Variants in ADARB1 observed in about 807,000 individuals in gnomAD.
ADARB1 encodes double-stranded RNA-specific editase 1.
In ADARB1, 10 loss-of-function variants were observed where a neutral mutation model predicts 52.4. The observed-to-expected ratio is 0.19, with a 90% CI of 0.12 to 0.32. ADARB1 has a LOEUF of 0.32. Ranked by LOEUF, ADARB1 falls within the 10% of genes least tolerant of loss-of-function variation. The probability of loss-of-function intolerance (pLI) is 1.00; values close to 1 mark genes in which losing one functional copy is unlikely to be tolerated. For missense variants in ADARB1, 643 were observed against 922.3 expected (o/e 0.70, Z 3.92); for synonymous variants, 349 against 371.1 (o/e 0.94, Z 0.68).
chr21:45,145,492 T>C (rs1226389819), intron 2 of ADARB1: 1 of 152,310 alleles, frequency 6.6e-6, no homozygotes, highest in Non-Finnish European at 1.5e-5. Context: ...GGCAGTTAGA[T>C]AAGGGAGGTG....
At chr21:45,161,545 G>A (rs1158717185) in intron 2 of ADARB1, among the ~76,000 whole-genome samples, 1 of 152,244 alleles carries the variant, frequency 6.6e-6, no homozygotes, top group East Asian at 1.9e-4. Flanking sequence ...ATGAGAGGGA[G>A]GCCAACGCGG....
At chr21:45,107,745 C>A (rs2087322016) in intron 1 of ADARB1, among the ~76,000 whole-genome samples, 1 of 152,168 alleles carries the variant, frequency 6.6e-6, no homozygotes, top group South Asian at 2.1e-4. Flanking sequence ...CAATGTTAGA[C>A]ACAAACATGG....
At chr21:45,184,688 C>T (rs1285632168) in intron 7 of ADARB1, 23 of 412,620 alleles carry the variant, frequency 5.6e-5, no homozygotes, top group African/African-American at 1.0e-4. Context: ...TGGGCTCAAG[C>T]GATCCACCTG....
chr21:45,158,646 A>T (rs1250657281), intron 2 of ADARB1, among the ~76,000 whole-genome samples: 1 of 151,886 alleles, frequency 6.6e-6, no homozygotes, highest in East Asian at 1.9e-4. Context: ...TGTTTCCTCC[A>T]CCAAAGCACC....
chr21:45,085,490 T>C (rs1370119151), intron 1 of ADARB1, among the ~76,000 whole-genome samples: 3 of 152,226 alleles, frequency 2.0e-5, no homozygotes, highest in African/African-American at 7.2e-5. Context: ...CAGCAATGAT[T>C]GGACTCTTTA....
At chr21:45,113,321 G>A (rs1017245090) in intron 1 of ADARB1, among the ~76,000 whole-genome samples, 2 of 152,118 alleles carry the variant, frequency 1.3e-5, no homozygotes, top group Admixed American at 6.5e-5. Flanking sequence ...TACTCGGGAG[G>A]CTGAGGCAGG....
chr21:45,180,395 C>T lies in ADARB1; in HGVS notation c.1029C>T (p.Ser343=), dbSNP rs1431234985. 3 of 1,614,220 alleles carry T rather than the reference C, an allele frequency of 1.9e-6. No homozygotes were observed. Among genetic ancestry groups the T allele is most frequent in the African/African-American group, 2.7e-5 (2 of 75,054 alleles). The change falls in exon 5 of 11, where the codon TCC becomes TCT. Residue 343 remains serine (S), a synonymous_variant. Coordinates refer to ENST00000348831, the MANE Select transcript of ADARB1 (RefSeq NM_001112.4). ...TTGGTGACCTGACCGACAACTTCTC[C>T]TCCCCTCACGCTCGCAGAAAAGTGC... ...GKFGDLTDNF[S]SPHARRKVLA...
rs776495343 is a variant in ADARB1, at chr21:45,225,577, A to G, written c.*3380A>G. On this transcript the variant is annotated 3_prime_UTR_variant, in exon 11 of 11. Coordinates refer to ENST00000348831, the MANE Select transcript of ADARB1 (RefSeq NM_001112.4). ...CTGAGGAGGGGACGGCTCCGTCTTC[A>G]CATTGTGCACAGATCTGAGGATGGG... 7.5e-7 allele frequency: 1 copy of G among 1,334,442 alleles called. No homozygotes were observed. Among genetic ancestry groups the G allele is most frequent in the Non-Finnish European group, 9.7e-7 (1 of 1,030,470 alleles). The allele number at this position is 1,334,442 out of a possible 1,614,324, so 82.7% of individuals were successfully genotyped here. A position where few individuals can be genotyped will look rare whatever the true frequency, so the allele number is the denominator to read the frequency against.
chr21:45,215,782 A>G (rs2092851244), intron 9 of ADARB1, among the ~76,000 whole-genome samples: 1 of 152,056 alleles, frequency 6.6e-6, no homozygotes. Flanking sequence ...TTGTATTTAT[A>G]TTTGTCTGTA....
chr21:45,074,978 G>T (rs1307468154), intron 1 of ADARB1, among the ~76,000 whole-genome samples, 185 bp downstream of exon 1: 1 of 151,074 alleles, frequency 6.6e-6, no homozygotes, highest in African/African-American at 2.4e-5. Context: ...CACCCTCCTG[G>T]GTCGCCCGTC....
At chr21:45,156,383 T>TCATC (rs1211880004) in intron 2 of ADARB1, among the ~76,000 whole-genome samples, 4 of 112,536 alleles carry the variant, frequency 3.6e-5, no homozygotes, top group South Asian at 3.1e-4. Flanking sequence ...CCATCACCCA[T>TCATC]CATCCATCCA....
rs911987211 is a variant in ADARB1 at position 45,223,922 on chromosome 21, T to G, written c.*1725T>G. On this transcript the variant is annotated 3_prime_UTR_variant, in exon 11 of 11. Transcript: ENST00000348831. The stretch of plus-strand genomic sequence containing the variant: ...CTAGAACATCTGCCCCACAGCAGCC[T>G]CCTCCTCCACCGAAGAGGGTAGTTG... 9 of 985,358 alleles carry G rather than the reference T, an allele frequency of 9.1e-6. No homozygotes were observed. In the South Asian group the frequency reaches 1.4e-4, roughly 15 times the overall value. The allele number at this position is 985,358 out of a possible 1,614,324, so 61.0% of individuals were successfully genotyped here.
chr21:45,163,490 C>T (rs906181481), intron 2 of ADARB1, among the ~76,000 whole-genome samples: 4 of 152,072 alleles, frequency 2.6e-5, no homozygotes, highest in African/African-American at 4.8e-5. Context: ...GGGGAGTGAG[C>T]GGGGAGGGGC....
chr21:45,216,161 C>T (rs903433678), intron 9 of ADARB1, among the ~76,000 whole-genome samples: 1 of 151,938 alleles, frequency 6.6e-6, no homozygotes, highest in Non-Finnish European at 1.5e-5. Context: ...CTAATGATAT[C>T]GTCTTATCCC....
At position 45,142,729 on chromosome 21, in the gene ADARB1, C is replaced by T. The variant is rs996279568; in HGVS notation, c.-48+14156C>T. ...GGGTGTGCAGCTGCTGCGGCCTAAG[C>T]GGCGTCCTTGCTTGGTCCCCCCATG... On this transcript the variant is annotated intron_variant, in intron 2 of 10. Coordinates refer to ENST00000348831, the MANE Select transcript of ADARB1 (RefSeq NM_001112.4). The surrounding 1 kb of genome is among the most constrained non-coding windows in gnomAD (Gnocchi z 4.0). Among the ~76,000 whole-genome samples, 4 of 152,178 alleles carry T rather than the reference C, an allele frequency of 2.6e-5. No individual in the cohort carries two copies. The highest frequency in any genetic ancestry group is 2.1e-4 in the South Asian group (1 of 4,830).
At position 45,225,821 on chromosome 21, in the gene ADARB1, G is replaced by A. The variant is rs914048755; in HGVS notation, c.*3624G>A. The A allele has an allele frequency of 4.6e-5, 17 of 372,104 alleles. No individual in the cohort carries two copies. In the Admixed American group the frequency reaches 7.3e-4, roughly 16 times the overall value. 23.1% of individuals were successfully genotyped at this position (372,104 alleles called of 1,614,324 possible). A position where few individuals can be genotyped will look rare whatever the true frequency, so the allele number is the denominator to read the frequency against. On this transcript the variant is annotated 3_prime_UTR_variant, in exon 11 of 11. Coordinates refer to ENST00000348831, the MANE Select transcript of ADARB1 (RefSeq NM_001112.4). Reference sequence around the variant, plus strand: ...TTTTTATCATCCCCACGCTGTGTAAGTGGAAAGGGCATTGTGTTCCGTGTG... The same window carrying A: ...TTTTTATCATCCCCACGCTGTGTAAATGGAAAGGGCATTGTGTTCCGTGTG...
At chr21:45,187,895 G>C (rs1440954881) in intron 8 of ADARB1, among the ~76,000 whole-genome samples, 3 of 151,980 alleles carry the variant, frequency 2.0e-5, no homozygotes, top group African/African-American at 7.3e-5. Flanking sequence ...ATTGAATTTG[G>C]TTTGTTGAGA....
chr21:45,150,711 T>C (rs975416865), intron 2 of ADARB1, among the ~76,000 whole-genome samples: 1 of 151,750 alleles, frequency 6.6e-6, no homozygotes, highest in Non-Finnish European at 1.5e-5. Context: ...AGTGCTTTCA[T>C]GAGATGCTGC....
chr21:45,127,914 T>G lies in ADARB1; in HGVS notation c.-219-488T>G, dbSNP rs147960253. On this transcript the variant is annotated intron_variant, in intron 1 of 10. Transcript: ENST00000348831. ...AAACGCTTTCACACAGAGCAGAAAC[T>G]AGATGGAGATACTGTTTCACAACCT... Among the ~76,000 whole-genome samples the G allele has an allele frequency of 4.2e-3, 638 of 152,284 alleles. 3 individuals carry two copies. Among genetic ancestry groups the G allele is most frequent in the Middle Eastern group, 0.014 (4 of 294 alleles).
Sources: allele counts gnomAD v4.1 joint callset (sites outside exome capture counted in the v4.1 genomes callset), GRCh38; gene constraint gnomAD v4.1.1; non-coding constraint Gnocchi (gnomAD v3.1); transcripts MANE v1.5; gene names NCBI Gene and HGNC (gene_info 2026-07-23, HGNC 2026-07-21).